CEP164: variants seen among roughly 807,000 people sequenced by gnomAD.
CEP164 encodes the protein centrosomal protein of 164 kDa.
A neutral mutation model predicts 182.7 loss-of-function variants in CEP164; 162 were observed. That is an observed-to-expected ratio of 0.89 (90% CI 0.78 to 1.01). The LOEUF is 1.01. CEP164 is among the 50% of genes least tolerant of loss of function. The pLI, the probability that CEP164 is intolerant of heterozygous loss-of-function variation, is 0.00. For missense variants in CEP164, 1,735 were observed against 1,790.4 expected, an observed-to-expected ratio of 0.97 and a Z score of 0.56; for synonymous variants, 661 against 690.0, an observed-to-expected ratio of 0.96 and a Z score of 0.66.
chr11:117,343,854 C>T (rs1427819937), intron 3 of CEP164, among the ~76,000 whole-genome samples: 4 of 152,008 alleles, frequency 2.6e-5, no homozygotes, highest in Non-Finnish European at 5.9e-5. Flanking sequence ...TGGTTTTGAA[C>T]TCCTGACCTG....
intron 17 of CEP164, among the ~76,000 whole-genome samples, 200 bp downstream of exon 17, chr11:117,391,415 C>T (rs566558243): frequency 6.6e-5 from 10 of 152,044 alleles, no homozygotes; most frequent in Admixed American, 1.3e-4. Context: ...TGGACCGAAT[C>T]GGCTCATGAC....
chr11:117,410,503 C>T (rs924914793), intron 30 of CEP164: 4 of 279,338 alleles, frequency 1.4e-5, no homozygotes, highest in Non-Finnish European at 2.7e-5. Context: ...CAGGATTCTG[C>T]TTGGAACCTC....
At chr11:117,365,826 C>T (rs1324770480) in intron 8 of CEP164, among the ~76,000 whole-genome samples, 9 of 152,114 alleles carry the variant, frequency 5.9e-5, no homozygotes, top group East Asian at 1.9e-4. Context: ...GTGATCTGCA[C>T]GCCACGGCTT....
intron 12 of CEP164, among the ~76,000 whole-genome samples, chr11:117,381,280 G>T (rs2043287752): frequency 6.6e-6 from 1 of 152,196 alleles, no homozygotes; most frequent in Admixed American, 6.5e-5. Context: ...TTTTGGACCT[G>T]CAAAAACTAT....
intron 1 of CEP164, among the ~76,000 whole-genome samples, chr11:117,328,956 G>C (rs1045916273): frequency 6.6e-5 from 10 of 152,118 alleles, no homozygotes; most frequent in Non-Finnish European, 1.3e-4. Flanking sequence ...AGAATCTGGC[G>C]CTTCCTTTCC....
At chr11:117,401,114 G>T (rs2046085236) in intron 27 of CEP164, among the ~76,000 whole-genome samples, 1 of 152,180 alleles carries the variant, frequency 6.6e-6, no homozygotes, top group African/African-American at 2.4e-5. Context: ...TATGATATTG[G>T]CTGTGGGTTT....
At position 117,396,620 on chromosome 11, in the gene CEP164, C is replaced by G. The variant is rs1420229238; in HGVS notation, c.3278+9C>G. Reference sequence around the variant, plus strand: ...GACTTATACTTGGACAGGTGAGTTCCCATAGCCTGTCTTATTTGAGGTTAG... The same window carrying G: ...GACTTATACTTGGACAGGTGAGTTCGCATAGCCTGTCTTATTTGAGGTTAG... On this transcript the variant is annotated intron_variant, in intron 26 of 32. Transcript: ENST00000278935. 1 of 1,606,482 alleles carries G rather than the reference C, an allele frequency of 6.2e-7. No homozygotes were observed. Among genetic ancestry groups the G allele is most frequent in the Non-Finnish European group, 8.5e-7 (1 of 1,173,018 alleles).
chr11:117,393,017 T>G lies in CEP164; in HGVS notation c.2507T>G (p.Leu836Arg). The G allele has an allele frequency of 6.2e-7, 1 of 1,613,342 alleles. No individual in the cohort carries two copies. Among genetic ancestry groups the G allele is most frequent in the Non-Finnish European group, 8.5e-7 (1 of 1,179,778 alleles). The change falls in exon 20 of 33, where the codon CTG (leucine) becomes CGG (arginine). Residue 836 changes from leucine to arginine, a missense_variant. By Grantham distance (102) the Leu-to-Arg change is moderately radical. Transcript: ENST00000278935. The part of the protein sequence containing the change: ...AGYEHELSSL[L>R]REKRQEVEGE... The stretch of plus-strand genomic sequence containing the variant: ...TCTCCCCTGCAGCTCAGCAGTCTCC[T>G]GCGAGAGAAGCGCCAGGAAGTGGAA...
At chr11:117,399,654 C>T (rs1208238768) in intron 27 of CEP164, among the ~76,000 whole-genome samples, 1 of 152,194 alleles carries the variant, frequency 6.6e-6, no homozygotes, top group Non-Finnish European at 1.5e-5. Flanking sequence ...CTGTTGTTTC[C>T]TGACTATTTA....
intron 14 of CEP164, 36 bp downstream of exon 14, chr11:117,382,978 C>A: frequency 1.9e-6 from 3 of 1,598,988 alleles, no homozygotes; most frequent in Non-Finnish European, 2.6e-6. Context: ...CCCTGACCTC[C>A]ACTGCGTGTG....
chr11:117,338,602 C>T lies in CEP164; in HGVS notation c.16C>T (p.Leu6Phe). 1 of 1,614,116 alleles carries T rather than the reference C, an allele frequency of 6.2e-7. No homozygotes were observed. The highest frequency in any genetic ancestry group is 8.5e-7 in the Non-Finnish European group (1 of 1,179,992). Residue 6 changes from leucine to phenylalanine, a missense_variant, in exon 3 of 33, where the codon CTC (leucine) becomes TTC (phenylalanine). Leu to Phe is a conservative substitution (Grantham distance 22, BLOSUM62 0). Coordinates refer to ENST00000278935, the MANE Select transcript of CEP164 (RefSeq NM_014956.5). ...CAGATGAGTCATGGCTGGACGACCC[C>T]TCCGCATAGGAGATCAGCTGGTTCT... MAGRPLRIGDQLVLEE... is the reference protein window; with the variant it reads MAGRPFRIGDQLVLEE...
At chr11:117,360,088 G>A (rs2040759639) in intron 5 of CEP164, among the ~76,000 whole-genome samples, 1 of 152,194 alleles carries the variant, frequency 6.6e-6, no homozygotes, top group African/African-American at 2.4e-5. Context: ...GTGGAGAGGG[G>A]AGAGAGTCCT....
intron 27 of CEP164, among the ~76,000 whole-genome samples, chr11:117,403,393 G>A (rs1334004298): frequency 6.6e-6 from 1 of 152,182 alleles, no homozygotes; most frequent in Non-Finnish European, 1.5e-5. Context: ...GCATTTGCTT[G>A]TCTGTATGGA....
intron 3 of CEP164, among the ~76,000 whole-genome samples, chr11:117,339,007 C>T (rs531149339): frequency 8.5e-5 from 13 of 152,058 alleles, no homozygotes; most frequent in African/African-American, 2.9e-4. Context: ...TTAGTAGAGA[C>T]GGGTTTCACC....
rs542610609 is a variant in CEP164 at position 117,352,020 on chromosome 11, C to A, written c.393+32C>A. ...CAGTGGATGCCTCCTCCCAGAGAGG[C>A]CAGGGCTGAAATCTGGAGGGATGTT... On this transcript the variant is annotated intron_variant, in intron 5 of 32. Transcript: ENST00000278935. 4.4e-5 allele frequency: 67 copies of A among 1,538,934 alleles called. 1 individual carries two copies. In the African/African-American group the frequency reaches 6.0e-4, roughly 14 times the overall value.
chr11:117,390,838 G>A lies in CEP164; in HGVS notation c.1996G>A (p.Glu666Lys). Residue 666 changes from glutamate to lysine, a missense_variant, in exon 16 of 33, where the codon GAA becomes AAA. Physicochemically the swap from Glu to Lys is moderately conservative, Grantham distance 56. Coordinates refer to ENST00000278935, the MANE Select transcript of CEP164 (RefSeq NM_014956.5). Reference protein sequence around the residue: ...EEEEARMREEESQRLSWLRAQ... With the variant: ...EEEEARMREEKSQRLSWLRAQ... ...GGAGGAGGCCCGGATGAGAGAGGAG[G>A]AAAGCCAGAGGCTATCCTGGCTCCG... 6.2e-7 allele frequency: 1 copy of A among 1,613,766 alleles called. No individual in the cohort carries two copies. The highest frequency in any genetic ancestry group is 8.5e-7 in the Non-Finnish European group (1 of 1,179,982).
intron 15 of CEP164, among the ~76,000 whole-genome samples, chr11:117,390,308 A>G (rs1182282744): frequency 6.6e-6 from 1 of 152,008 alleles, no homozygotes; most frequent in African/African-American, 2.4e-5. Context: ...GGTATTAGGG[A>G]GGCAGCAGTG....
Position 117,395,170 on chromosome 11 carries a change from G to A in CEP164, c.2892G>A (p.Arg964=). The A allele has an allele frequency of 1.2e-6, 2 of 1,613,982 alleles. No homozygotes were observed. The highest frequency in any genetic ancestry group is 1.7e-6 in the Non-Finnish European group (2 of 1,180,006). ...AGCAGCAGCTGCTTGATGTGCAGAG[G>A]CAGGTTGCTCTGAAGAGTGAGGTTT... ...REKQQLLDVQ[R]QVALKSEEAT... Residue 964 remains arginine, a synonymous_variant, in exon 23 of 33, where the codon AGG becomes AGA. Transcript: ENST00000278935.
chr11:117,409,130 G>A lies in CEP164; in HGVS notation c.3748+102G>A, dbSNP rs935568059. On this transcript the variant is annotated intron_variant, in intron 29 of 32. Coordinates refer to ENST00000278935, the MANE Select transcript of CEP164 (RefSeq NM_014956.5). This position sits in a 1 kb window ranked among gnomAD's most constrained non-coding sequence, Gnocchi z 4.4. The stretch of plus-strand genomic sequence containing the variant: ...TCTTCCCTCAGCCCTGCAGAGGGAG[G>A]CCTCTGTGAGCCGGTGTCTGGACTA... 2 of 1,448,560 alleles carry A rather than the reference G, an allele frequency of 1.4e-6. No individual in the cohort carries two copies. Among genetic ancestry groups the A allele is most frequent in the Non-Finnish European group, 9.4e-7 (1 of 1,064,830 alleles). 89.7% of individuals were successfully genotyped at this position (1,448,560 alleles called of 1,614,324 possible).
Sources: gnomAD v4.1 joint callset for allele counts (sites outside exome capture counted in the v4.1 genomes callset) on GRCh38, gnomAD v4.1.1 for gene constraint, Gnocchi (gnomAD v3.1) non-coding constraint, MANE v1.5 for transcripts, NCBI Gene and HGNC (gene_info 2026-07-23, HGNC 2026-07-21) for gene names.